The following SLC14A2 variants were observed in gnomAD, a reference collection of about 807,000 sequenced individuals.
The protein encoded by SLC14A2 is solute carrier family 14 member 2.
In SLC14A2, 91 loss-of-function variants were observed where a neutral mutation model predicts 104.6. The observed-to-expected ratio is 0.87, with a 90% CI of 0.73 to 1.04. The LOEUF (loss-of-function observed/expected upper bound fraction) is 1.04. Among genes scored for constraint, SLC14A2 ranks in the 50% least tolerant of loss-of-function variants. The pLI, the probability that SLC14A2 is intolerant of heterozygous loss-of-function variation, is 0.00. For synonymous variants in SLC14A2, 476 were observed against 466.4 expected (o/e 1.02, Z -0.27); for missense variants, 1,189 against 1,156.0 (o/e 1.03, Z -0.41).
At chr18:45,258,104 G>A (rs182969013) in intron 1 of SLC14A2, among the ~76,000 whole-genome samples, 2 of 152,170 alleles carry the variant, frequency 1.3e-5, no homozygotes, top group East Asian at 3.9e-4. Flanking sequence ...TCCTATGAGC[G>A]AGCTACAGTT....
chr18:45,377,755 ACT>A (rs1342919728), intron 1 of SLC14A2, among the ~76,000 whole-genome samples: 5 of 151,440 alleles, frequency 3.3e-5, no homozygotes, highest in Non-Finnish European at 2.9e-5. Flanking sequence ...CTGTCCTATA[ACT>A]CTAATTGTTC....
chr18:45,333,404 T>C (rs1366613293), intron 1 of SLC14A2, among the ~76,000 whole-genome samples: 1 of 152,184 alleles, frequency 6.6e-6, no homozygotes, highest in Admixed American at 6.5e-5. Context: ...ATAATACAGG[T>C]AGGAGCTATC....
chr18:45,347,406 T>C (rs2144297839), intron 1 of SLC14A2, among the ~76,000 whole-genome samples: 1 of 152,354 alleles, frequency 6.6e-6, no homozygotes, highest in Middle Eastern at 3.4e-3. Flanking sequence ...CTACCTGACA[T>C]TGATTCATGT....
intron 7 of SLC14A2, 142 bp from the exon 8 acceptor site, chr18:45,641,067 G>T: frequency 2.6e-6 from 2 of 756,586 alleles, no homozygotes; most frequent in Non-Finnish European, 4.2e-6. Context: ...GATGCCATTT[G>T]TAGAGGCTCT....
chr18:45,683,615 T>A lies in SLC14A2; in HGVS notation c.*1096T>A, dbSNP rs1367627839. ...AAACTGATCTTTATCAACACTCAAATCATATTATAAACAAATGTGTTTCCC... is the reference window on the plus strand; with the variant it reads ...AAACTGATCTTTATCAACACTCAAAACATATTATAAACAAATGTGTTTCCC... On this transcript the variant is annotated 3_prime_UTR_variant, in exon 20 of 20. Coordinates refer to ENST00000255226, the MANE Select transcript of SLC14A2 (RefSeq NM_007163.4). 6.6e-6 allele frequency: 1 copy of A among 152,210 alleles called. No individual in the cohort carries two copies. The highest frequency in any genetic ancestry group is 2.4e-5 in the African/African-American group (1 of 41,448). The allele number at this position is 152,210 out of a possible 1,614,324, so 9.4% of individuals were successfully genotyped here. A position where few individuals can be genotyped will look rare whatever the true frequency, so the allele number is the denominator to read the frequency against.
At chr18:45,181,240 C>T in the SLC14A2 span, 1 of 152,284 alleles carries the variant, frequency 6.6e-6, no homozygotes, top group Non-Finnish European at 1.5e-5. Context: ...TGCAAAAGGA[C>T]TCTCTTCGTC....
At chr18:45,218,842 C>T (rs1179753009) in intron 1 of SLC14A2, among the ~76,000 whole-genome samples, 1 of 151,730 alleles carries the variant, frequency 6.6e-6, no homozygotes, top group Non-Finnish European at 1.5e-5. Context: ...AGTAGCACCC[C>T]TTGCAGGTCC....
intron 5 of SLC14A2, 81 bp downstream of exon 5, chr18:45,632,559 A>G: frequency 6.7e-7 from 1 of 1,502,388 alleles, no homozygotes; most frequent in East Asian, 2.3e-5. Context: ...GAGACAGGAC[A>G]TACACATGTG....
intron 1 of SLC14A2, among the ~76,000 whole-genome samples, chr18:45,399,858 C>T (rs981888532): frequency 6.6e-6 from 1 of 152,064 alleles, no homozygotes; most frequent in African/African-American, 2.4e-5. Context: ...AGGGACAAAG[C>T]CACCCCATCA....
intron 1 of SLC14A2, among the ~76,000 whole-genome samples, chr18:45,349,489 A>G (rs555812687): frequency 5.3e-4 from 81 of 152,268 alleles, no homozygotes; most frequent in Non-Finnish European, 1.1e-3. Context: ...TCTCCTAGAG[A>G]TGGAATATAT....
At chr18:45,288,168 T>G (rs2084833959) in intron 1 of SLC14A2, among the ~76,000 whole-genome samples, 1 of 141,880 alleles carries the variant, frequency 7.0e-6, no homozygotes, top group African/African-American at 3.0e-5. Context: ...AAATGGTAGC[T>G]TTTGTTGATA....
chr18:45,577,161 G>GAATTAGCTAACCCTGGGAGGGTT (rs148209381), intron 2 of SLC14A2, among the ~76,000 whole-genome samples: 64,933 of 151,432 alleles, frequency 0.43, 14,420 homozygotes, highest in African/African-American at 0.53. Flanking sequence ...TTATCTCTAG[G>GAATTAGCTAACCCTGGGAGGGTT]AATTAGCTAA....
intron 1 of SLC14A2, among the ~76,000 whole-genome samples, chr18:45,332,929 A>G (rs2085303820): frequency 6.6e-6 from 1 of 152,246 alleles, no homozygotes. Context: ...AAATGCAGTC[A>G]TTCAGATCCT....
At chr18:45,491,601 A>G (rs1395159310) in intron 2 of SLC14A2, among the ~76,000 whole-genome samples, 3 of 152,230 alleles carry the variant, frequency 2.0e-5, no homozygotes, top group Admixed American at 6.5e-5. Context: ...GGCAGTGGAT[A>G]TTGAGTGTTT....
intron 1 of SLC14A2, among the ~76,000 whole-genome samples, chr18:45,372,227 G>A (rs975025504): frequency 2.5e-4 from 38 of 152,118 alleles, no homozygotes; most frequent in African/African-American, 8.7e-4. Flanking sequence ...CAGGAGAATC[G>A]CTTGAGCCCA....
chr18:45,574,145 A>G lies in SLC14A2; in HGVS notation c.-34-50486A>G, dbSNP rs115119038. On this transcript the variant is annotated intron_variant, in intron 2 of 20. Coordinates refer to the SLC14A2 transcript ENST00000586448. ...TATTTGAGACAGAATTAGTGTCATG[A>G]GTCAATTGACAGGAAGGAACCTGCT... Among the ~76,000 whole-genome samples the G allele has an allele frequency of 6.1e-3, 934 of 152,300 alleles. 7 individuals are homozygous for G. Among genetic ancestry groups the G allele is most frequent in the African/African-American group, 0.022 (896 of 41,558 alleles).
chr18:45,318,048 C>T (rs562765303), intron 1 of SLC14A2, among the ~76,000 whole-genome samples: 2 of 152,146 alleles, frequency 1.3e-5, no homozygotes, highest in Non-Finnish European at 2.9e-5. Flanking sequence ...GGAGCTAGGA[C>T]CTGGGAAAGA....
At chr18:45,354,761 C>T (rs1049299913) in intron 1 of SLC14A2, among the ~76,000 whole-genome samples, 1 of 152,174 alleles carries the variant, frequency 6.6e-6, no homozygotes, top group African/African-American at 2.4e-5. Context: ...TGCTGCACTT[C>T]CCCAACCTTC....
At chr18:45,606,589 G>A (rs1169725672) in intron 2 of SLC14A2, among the ~76,000 whole-genome samples, 2 of 137,016 alleles carry the variant, frequency 1.5e-5, no homozygotes, top group African/African-American at 2.8e-5. Flanking sequence ...CCGTAAAGCT[G>A]GTGGCTGAGC....
Sources: allele counts gnomAD v4.1 joint callset (sites outside exome capture counted in the v4.1 genomes callset), GRCh38; gene constraint gnomAD v4.1.1; transcripts MANE v1.5; gene names NCBI Gene and HGNC (gene_info 2026-07-23, HGNC 2026-07-21).